Variants in TTC29 observed in about 807,000 individuals in gnomAD.
TTC29 encodes the protein tetratricopeptide repeat protein 29.
In TTC29, 49 loss-of-function variants were observed where a neutral mutation model predicts 58.1. The observed-to-expected ratio is 0.84, with a 90% CI of 0.67 to 1.07. The LOEUF is 1.07. TTC29 is among the 50% of genes least tolerant of loss of function. The pLI, the probability that TTC29 is intolerant of heterozygous loss-of-function variation, is 0.00. For synonymous variants in TTC29, 209 were observed against 196.8 expected (o/e 1.06, Z -0.52); for missense variants, 582 against 555.6 (o/e 1.05, Z -0.48).
At chr4:146,929,341 C>T (rs1315522895) in intron 4 of TTC29, among the ~76,000 whole-genome samples, 2 of 152,192 alleles carry the variant, frequency 1.3e-5, no homozygotes, top group Non-Finnish European at 2.9e-5. Flanking sequence ...CTGCAGGGCC[C>T]AGTCATGCCT....
chr4:146,893,111 T>C (rs1579926829), intron 6 of TTC29, among the ~76,000 whole-genome samples: 2 of 152,194 alleles, frequency 1.3e-5, no homozygotes, highest in African/African-American at 4.8e-5. Context: ...CTGCCCCAGG[T>C]AATTTATAGA....
At position 146,853,091 on chromosome 4, in the gene TTC29, A is replaced by G. The variant is rs182276922; in HGVS notation, c.885+14407T>C. ...GTAAAACCTATTAAAAACATTAATT[A>G]AAACCTTTAAATTTTAATGGAATGG... is the stretch of plus-strand genomic sequence containing the variant. On this transcript the variant is annotated intron_variant, in intron 8 of 12. Transcript: ENST00000325106. Among the ~76,000 whole-genome samples, 30 of 152,262 alleles carry G rather than the reference A, an allele frequency of 2.0e-4. No homozygotes were observed. In the East Asian group the frequency reaches 5.6e-3, roughly 28 times the overall value.
intron 9 of TTC29, among the ~76,000 whole-genome samples, chr4:146,828,781 T>G (rs1027871490): frequency 5.9e-5 from 9 of 152,162 alleles, no homozygotes; most frequent in South Asian, 2.1e-4. Context: ...TAACAAATAA[T>G]GCTAGAGAAA....
Position 146,820,088 on chromosome 4 carries a change from G to A in TTC29, c.1101+37C>T, listed in dbSNP as rs28687590. ...AATGGGAAATTTCTCCCTAAACACC[G>A]CAAATTTCTCTATAAACAAGAAACA... is the stretch of plus-strand genomic sequence containing the variant. On this transcript the variant is annotated intron_variant, in intron 10 of 12. Coordinates refer to ENST00000325106, the MANE Select transcript of TTC29 (RefSeq NM_031956.4). The A allele has an allele frequency of 2.4e-3, 3,839 of 1,606,672 alleles. 85 individuals carry two copies. The African/African-American group carries it at 0.044, about 18-fold the overall frequency.
At chr4:146,769,387 T>A (rs1036934052) in intron 11 of TTC29, among the ~76,000 whole-genome samples, 5 of 152,012 alleles carry the variant, frequency 3.3e-5, no homozygotes, top group Non-Finnish European at 7.4e-5. Context: ...AAAAATGGTT[T>A]CTCTCTTACT....
At chr4:146,852,632 T>C (rs1459427315) in intron 8 of TTC29, among the ~76,000 whole-genome samples, 2 of 152,232 alleles carry the variant, frequency 1.3e-5, no homozygotes, top group Admixed American at 6.5e-5. Context: ...CCCTGTTGCT[T>C]CTCTAGCTCT....
rs534983988 is a variant in TTC29 at position 146,745,420 on chromosome 4, T to C, written c.1331-37869A>G. 5.3e-5 allele frequency among the ~76,000 whole-genome samples: 8 copies of C among 152,290 alleles called. No individual in the cohort carries two copies. In the East Asian group the frequency reaches 9.6e-4, roughly 18 times the overall value. On this transcript the variant is annotated intron_variant, in intron 11 of 12. Coordinates refer to ENST00000325106, the MANE Select transcript of TTC29 (RefSeq NM_031956.4). ...GAGCCTTGAGAGAGATAGCTTCAGA[T>C]TGATTAGCCATGGCAGTGTTCTCTG...
chr4:146,924,766 C>T (rs949821917), intron 4 of TTC29, among the ~76,000 whole-genome samples: 7 of 151,572 alleles, frequency 4.6e-5, no homozygotes, highest in Non-Finnish European at 1.0e-4. Flanking sequence ...GTTTAATTTG[C>T]TTTCTTTTTC....
At chr4:146,810,716 G>A (rs1308351512) in intron 10 of TTC29, among the ~76,000 whole-genome samples, 1 of 148,828 alleles carries the variant, frequency 6.7e-6, no homozygotes, top group Non-Finnish European at 1.5e-5. Context: ...TCAGCCTCCC[G>A]AGTAGCTGGG....
intron 4 of TTC29, among the ~76,000 whole-genome samples, chr4:146,914,679 G>C (rs1734104232): frequency 1.3e-5 from 2 of 152,158 alleles, no homozygotes; most frequent in South Asian, 2.1e-4. Flanking sequence ...CGAGATAAGG[G>C]ATGCAGCTTG....
chr4:146,836,901 G>A (rs1728547510), intron 8 of TTC29, among the ~76,000 whole-genome samples: 1 of 152,104 alleles, frequency 6.6e-6, no homozygotes, highest in African/African-American at 2.4e-5. Context: ...TGGTGGGAGT[G>A]TAAATTAGTT....
At chr4:146,730,900 ATGAAG>A (rs1463692896) in intron 11 of TTC29, among the ~76,000 whole-genome samples, 2 of 152,168 alleles carry the variant, frequency 1.3e-5, no homozygotes, top group African/African-American at 4.8e-5. Flanking sequence ...GAGTGTTGCT[ATGAAG>A]TGGAGGAGAG....
At chr4:146,857,583 A>C (rs1729953564) in intron 8 of TTC29, among the ~76,000 whole-genome samples, 1 of 152,190 alleles carries the variant, frequency 6.6e-6, no homozygotes, top group South Asian at 2.1e-4. Context: ...GGCTGCAAGC[A>C]GGCTTGTCTG....
rs989765511 is a variant in TTC29, at chr4:146,847,563, A to C, written c.886-13666T>G. Among the ~76,000 whole-genome samples, 20 of 152,210 alleles carry C rather than the reference A, an allele frequency of 1.3e-4. 1 individual carries two copies. Among genetic ancestry groups the C allele is most frequent in the Non-Finnish European group, 4.4e-5 (3 of 68,030 alleles). Reference sequence around the variant, plus strand: ...CAGGAGCCGGCACTGAGGCAGAGACAGGGAGGACTATGCGGCTCTTCATCT... The same window carrying C: ...CAGGAGCCGGCACTGAGGCAGAGACCGGGAGGACTATGCGGCTCTTCATCT... On this transcript the variant is annotated intron_variant, in intron 8 of 12. Transcript: ENST00000325106.
chr4:146,921,472 T>C (rs1579988217), intron 4 of TTC29, among the ~76,000 whole-genome samples: 1 of 151,358 alleles, frequency 6.6e-6, no homozygotes, highest in East Asian at 1.9e-4. Flanking sequence ...TATTTTTCTT[T>C]TGTATTACCA....
intron 9 of TTC29, among the ~76,000 whole-genome samples, chr4:146,832,024 G>A (rs1322935256): frequency 3.9e-5 from 6 of 152,128 alleles, no homozygotes; most frequent in Non-Finnish European, 7.3e-5. Flanking sequence ...AGCCTCCCAA[G>A]TAACTGAGAT....
chr4:146,866,556 AC>A (rs1561201873), intron 8 of TTC29, among the ~76,000 whole-genome samples: 1 of 152,072 alleles, frequency 6.6e-6, no homozygotes, highest in Non-Finnish European at 1.5e-5. Flanking sequence ...CATTAAATTA[AC>A]CCCTCAAGAG....
At chr4:146,743,140 C>T (rs191615124) in intron 11 of TTC29, among the ~76,000 whole-genome samples, 50 of 152,106 alleles carry the variant, frequency 3.3e-4, no homozygotes, top group Admixed American at 7.9e-4. Context: ...AGAAAACATT[C>T]TCGGTGACAC....
At chr4:146,780,098 T>C (rs1021141198) in intron 11 of TTC29, among the ~76,000 whole-genome samples, 1 of 152,158 alleles carries the variant, frequency 6.6e-6, no homozygotes, top group Admixed American at 6.6e-5. Context: ...TTTACCTTTC[T>C]TTGAAATGTC....
Sources: allele counts gnomAD v4.1 joint callset (sites outside exome capture counted in the v4.1 genomes callset), GRCh38; gene constraint gnomAD v4.1.1; transcripts MANE v1.5; gene names NCBI Gene and HGNC (gene_info 2026-07-23, HGNC 2026-07-21).